DNAH2: variants seen among roughly 807,000 people sequenced by gnomAD.
DNAH2 encodes the protein dynein axonemal heavy chain 2, also known as axonemal beta dynein heavy chain 2.
In DNAH2, 323 loss-of-function variants were observed where a neutral mutation model predicts 523.5. That is an observed-to-expected ratio of 0.62 (90% CI 0.56 to 0.68). DNAH2 has a LOEUF of 0.68. DNAH2 is among the 30% of genes least tolerant of loss of function. The pLI, the probability that DNAH2 is intolerant of heterozygous loss-of-function variation, is 0.00. For missense variants in DNAH2, 4,907 were observed against 5,701.5 expected, an observed-to-expected ratio of 0.86 and a Z score of 4.49; for synonymous variants, 2,093 against 2,177.4, an observed-to-expected ratio of 0.96 and a Z score of 1.08.
rs566194542 is a variant in DNAH2, at chr17:7,786,421, A to G, written c.6348+79A>G. 6 of 1,533,846 alleles carry G rather than the reference A, an allele frequency of 3.9e-6. No individual in the cohort carries two copies. In the Admixed American group the frequency reaches 9.0e-5, roughly 23 times the overall value. ...CAATGGAGGGTGGGGGCCAGGGAGG[A>G]CCTTGCAAGGCCGGGAGAGCTGTAC... On this transcript the variant is annotated intron_variant, in intron 40 of 85. Transcript: ENST00000572933. This position sits in a 1 kb window ranked among gnomAD's most constrained non-coding sequence, Gnocchi z 7.5.
rs112530328 is a variant in DNAH2, at chr17:7,751,331, G to A, written c.1905-5760G>A. ...TGGTCTCAAACTCCTGACCTGAAAT[G>A]ATCCACCCACCTTGGCCTTCTAAAA... is the stretch of plus-strand genomic sequence containing the variant. On this transcript the variant is annotated intron_variant, in intron 12 of 85. Coordinates refer to ENST00000572933, the MANE Select transcript of DNAH2 (RefSeq NM_020877.5). Among the ~76,000 whole-genome samples the A allele has an allele frequency of 9.5e-4, 145 of 152,202 alleles. 1 individual carries two copies. The highest frequency in any genetic ancestry group is 3.2e-3 in the African/African-American group (134 of 41,532).
chr17:7,829,078 T>C (rs1417532620), intron 77 of DNAH2, among the ~76,000 whole-genome samples: 2 of 151,730 alleles, frequency 1.3e-5, no homozygotes, highest in African/African-American at 4.8e-5. Context: ...CAGGCTAGAG[T>C]GCAGTGGCGC....
chr17:7,766,285 G>T, intron 21 of DNAH2, 33 bp from the exon 22 acceptor site: 1 of 1,600,696 alleles, frequency 6.2e-7, no homozygotes, highest in South Asian at 1.1e-5. Context: ...AGACGTGAGC[G>T]GGAAGCTGAG....
At chr17:7,735,480 G>A (rs1344673931) in intron 7 of DNAH2, among the ~76,000 whole-genome samples, 1 of 150,940 alleles carries the variant, frequency 6.6e-6, no homozygotes, top group Non-Finnish European at 1.5e-5. Context: ...ACAGGGTGCT[G>A]GAGGCTGAAG....
rs375498621 is a variant in DNAH2, at chr17:7,786,910, C to A, written c.6480C>A (p.Asp2160Glu). 10 of 1,614,244 alleles carry A rather than the reference C, an allele frequency of 6.2e-6. No individual in the cohort carries two copies. The South Asian group carries it at 1.1e-4, about 18-fold the overall frequency. Residue 2160 changes from aspartate to glutamate, a missense_variant, in exon 42 of 86, where the codon GAC (aspartate) becomes GAA (glutamate). By Grantham distance (45) the Asp-to-Glu change is conservative. Around this residue, in one of 3 missense-constraint regions of DNAH2, gnomAD observed 2,806 missense variants for 3,190.8 expected, o/e 0.88. Transcript: ENST00000572933. The surrounding 1 kb of genome is among the most constrained non-coding windows in gnomAD (Gnocchi z 7.5). ...MRTACADEKP[D>E]EKWILFDGPV... ...CCATCTACTCAGATGAGAAACCCGA[C>A]GAGAAGTGGATCCTGTTCGATGGCC... is the stretch of plus-strand genomic sequence containing the variant.
intron 30 of DNAH2, 93 bp from the exon 31 acceptor site, chr17:7,775,931 C>T (rs889688446): frequency 9.7e-5 from 148 of 1,532,770 alleles, no homozygotes; most frequent in Non-Finnish European, 2.2e-5. Context: ...GGGTACAAAG[C>T]CCTGAAGTGC....
rs576306869 is a variant in DNAH2, at chr17:7,826,562, T to C, written c.11853+1835T>C. ...TTTTTTTTTTTTTTTTTTTTTGAGA[T>C]GGAGCCTCACTCTGTCGCCCAGGCT... On this transcript the variant is annotated intron_variant, in intron 77 of 85. Transcript: ENST00000572933. Among the ~76,000 whole-genome samples, 699 of 130,380 alleles carry C rather than the reference T, an allele frequency of 5.4e-3. 6 individuals carry two copies. The highest frequency in any genetic ancestry group is 9.3e-3 in the Middle Eastern group (2 of 216). 85.5% of individuals were successfully genotyped at this position (130,380 alleles called of 152,430 possible). A position where few individuals can be genotyped will look rare whatever the true frequency, so the allele number is the denominator to read the frequency against.
chr17:7,765,530 A>C lies in DNAH2; in HGVS notation c.3476A>C (p.Lys1159Thr), dbSNP rs1225843383. 2 of 1,614,014 alleles carry C rather than the reference A, an allele frequency of 1.2e-6. No individual in the cohort carries two copies. Among genetic ancestry groups the C allele is most frequent in the African/African-American group, 2.7e-5 (2 of 74,928 alleles). Residue 1159 changes from lysine (K) to threonine (T), a missense_variant, in exon 21 of 86, where the codon AAA (lysine) becomes ACA (threonine). Lys to Thr is a moderately conservative substitution (Grantham distance 78). This residue lies in a region of DNAH2 where 2,806 missense variants were observed against 3,190.8 expected (regional missense o/e 0.88). Transcript: ENST00000572933. Reference sequence around the variant, plus strand: ...CACTCGGCAGATGACTTCAAGAAGAAAGCACATACACTTCTGGAAGATTTC... The same window carrying C: ...CACTCGGCAGATGACTTCAAGAAGACAGCACATACACTTCTGGAAGATTTC... ...LIHSADDFKK[K>T]AHTLLEDFEF...
Position 7,798,360 on chromosome 17 carries a change from A to T in DNAH2, c.8398+36A>T, listed in dbSNP as rs201697658. ...GTTTCTGAAATGCTAGGAATAAAAG[A>T]TCAGATGCATACATTCCTGCAGTGA... is the stretch of plus-strand genomic sequence containing the variant. On this transcript the variant is annotated intron_variant, in intron 54 of 85. Coordinates refer to ENST00000572933, the MANE Select transcript of DNAH2 (RefSeq NM_020877.5). The surrounding 1 kb of genome is among the most constrained non-coding windows in gnomAD (Gnocchi z 5.5). 6.3e-7 allele frequency: 1 copy of T among 1,586,878 alleles called. No homozygotes were observed. The highest frequency in any genetic ancestry group is 2.2e-5 in the East Asian group (1 of 44,524).
intron 61 of DNAH2, among the ~76,000 whole-genome samples, chr17:7,806,405 C>T (rs971182995): frequency 3.3e-5 from 5 of 152,096 alleles, no homozygotes; most frequent in Non-Finnish European, 1.5e-5. Context: ...CGCCTGTAAT[C>T]CCAGCACTTT....
rs375254960 is a variant in DNAH2 at position 7,757,167 on chromosome 17, G to A, written c.1981G>A (p.Val661Ile). The A allele has an allele frequency of 1.1e-5, 17 of 1,614,058 alleles. No individual in the cohort carries two copies. The African/African-American group carries it at 1.6e-4, about 15-fold the overall frequency. ...LFETPHYVVN[V>I]AERAEDLRIL... The stretch of plus-strand genomic sequence containing the variant: ...TGAGACGCCCCATTACGTGGTGAAC[G>A]TAGCTGAGCGAGCCGAGGACCTGCG... The change falls in exon 13 of 86, where the codon GTA becomes ATA. Residue 661 changes from valine (V) to isoleucine (I), a missense_variant. Transcript: ENST00000572933.
chr17:7,722,103 A>G (rs1766724663), intron 2 of DNAH2, among the ~76,000 whole-genome samples: 1 of 151,682 alleles, frequency 6.6e-6, no homozygotes, highest in South Asian at 2.1e-4. Flanking sequence ...GATTCAAGCA[A>G]TCCTCCTGCC....
chr17:7,789,292 C>T (rs1056901782), intron 44 of DNAH2, among the ~76,000 whole-genome samples: 5 of 152,186 alleles, frequency 3.3e-5, no homozygotes, highest in African/African-American at 7.2e-5. Context: ...GGAGGCTTCC[C>T]GGGTGAGCAG....
At chr17:7,753,546 G>A (rs540031219) in intron 12 of DNAH2, among the ~76,000 whole-genome samples, 2 of 152,314 alleles carry the variant, frequency 1.3e-5, no homozygotes, top group East Asian at 3.9e-4. Context: ...GGACACTGGA[G>A]AGAGGAGGAT....
chr17:7,727,754 CAAA>C (rs766811062), intron 4 of DNAH2, among the ~76,000 whole-genome samples: 5 of 48,976 alleles, frequency 1.0e-4, no homozygotes, highest in Non-Finnish European at 1.6e-4. Context: ...GACTCTGTCT[CAAA>C]AAAAAAAAAA....
At chr17:7,799,379 G>A (rs2077159966) in intron 56 of DNAH2, 137 bp downstream of exon 56, 1 of 1,259,664 alleles carries the variant, frequency 7.9e-7, no homozygotes, top group Non-Finnish European at 1.1e-6. Flanking sequence ...CCTTTCCTTA[G>A]GCTGTGCCTG....
intron 79 of DNAH2, 93 bp downstream of exon 79, chr17:7,830,935 G>T: frequency 6.4e-7 from 1 of 1,554,206 alleles, no homozygotes; most frequent in Non-Finnish European, 8.8e-7. Context: ...AGGAGAGGAC[G>T]TGAGATTGGA....
In DNAH2 at chr17:7,721,799, T is replaced by A. The variant is rs150780738; in HGVS notation, c.167-1829T>A. Among the ~76,000 whole-genome samples the A allele has an allele frequency of 2.0e-5, 3 of 152,052 alleles. No individual in the cohort carries two copies. The East Asian group carries it at 5.8e-4, about 29-fold the overall frequency. ...GAGGCAGAGAAACAGAGCCGCTGGG[T>A]TTTATGGGAGTCAGAGTGGGTGTGG... On this transcript the variant is annotated intron_variant, in intron 2 of 85. Coordinates refer to ENST00000572933, the MANE Select transcript of DNAH2 (RefSeq NM_020877.5).
chr17:7,765,891 C>T (rs982095879), intron 21 of DNAH2, among the ~76,000 whole-genome samples: 1 of 152,084 alleles, frequency 6.6e-6, no homozygotes, highest in Non-Finnish European at 1.5e-5. Context: ...GATTCTCCTG[C>T]CTCAGCCTCC....
Sources: allele counts gnomAD v4.1 joint callset (sites outside exome capture counted in the v4.1 genomes callset), GRCh38; gene constraint gnomAD v4.1.1; regional missense constraint gnomAD v4.1.1; non-coding constraint Gnocchi (gnomAD v3.1); transcripts MANE v1.5; gene names NCBI Gene and HGNC (gene_info 2026-07-23, HGNC 2026-07-21).